The following FHIT variants were observed in gnomAD, a reference collection of about 807,000 sequenced individuals.
FHIT encodes bis(5'-adenosyl)-triphosphatase.
A neutral mutation model predicts 17.9 loss-of-function variants in FHIT; 19 were observed. The ratio of observed to expected loss-of-function variants is 1.06; its 90% confidence interval spans 0.74 to 1.56. The LOEUF is 1.56. Among genes scored for constraint, FHIT ranks in the 40% most tolerant of loss-of-function variants. FHIT has a pLI of 0.00. For missense variants in FHIT, 248 were observed against 189.2 expected (o/e 1.31, Z -1.82); for synonymous variants, 81 against 69.7 (o/e 1.16, Z -0.81).
intron 3 of FHIT, among the ~76,000 whole-genome samples, chr3:60,832,223 A>G (rs1702358198): frequency 6.6e-6 from 1 of 151,216 alleles, no homozygotes; most frequent in South Asian, 2.1e-4. Context: ...TAAGAATACA[A>G]TTAGATAAAA....
chr3:60,859,534 A>G (rs1703532461), intron 3 of FHIT, among the ~76,000 whole-genome samples: 1 of 151,616 alleles, frequency 6.6e-6, no homozygotes, highest in African/African-American at 2.4e-5. Flanking sequence ...AGTGATGTAC[A>G]CCCTTTCCTG....
intron 5 of FHIT, among the ~76,000 whole-genome samples, chr3:60,361,137 C>G (rs1699889890): frequency 6.6e-6 from 1 of 152,112 alleles, no homozygotes; most frequent in African/African-American, 2.4e-5. Flanking sequence ...CACCAAATAC[C>G]AAGTACTGGG....
chr3:60,072,767 T>G (rs1702835665), intron 5 of FHIT, among the ~76,000 whole-genome samples: 1 of 152,224 alleles, frequency 6.6e-6, no homozygotes, highest in East Asian at 1.9e-4. Context: ...TATTCTCTAT[T>G]GACAGTATCT....
At chr3:59,906,930 T>A (rs1195783075) in intron 8 of FHIT, among the ~76,000 whole-genome samples, 1 of 152,238 alleles carries the variant, frequency 6.6e-6, no homozygotes, top group African/African-American at 2.4e-5. Flanking sequence ...CCCTTTCTGC[T>A]ATGCTAATGT....
chr3:60,093,723 G>A (rs1229398596), intron 5 of FHIT, among the ~76,000 whole-genome samples: 1 of 152,168 alleles, frequency 6.6e-6, no homozygotes, highest in Non-Finnish European at 1.5e-5. Context: ...ACATGCGAAG[G>A]ATTTAGAATG....
intron 5 of FHIT, among the ~76,000 whole-genome samples, chr3:60,447,909 T>C (rs975094697): frequency 3.9e-5 from 6 of 152,190 alleles, no homozygotes; most frequent in Non-Finnish European, 7.4e-5. Context: ...TACCTCCAAC[T>C]GGGACTTCCA....
At chr3:60,944,054 A>G (rs1048093804) in intron 3 of FHIT, among the ~76,000 whole-genome samples, 4 of 152,004 alleles carry the variant, frequency 2.6e-5, no homozygotes, top group Non-Finnish European at 5.9e-5. Context: ...TTGACAATTG[A>G]ATTAGTATCT....
chr3:60,235,928 T>C (rs999506427), intron 5 of FHIT, among the ~76,000 whole-genome samples: 1 of 151,980 alleles, frequency 6.6e-6, no homozygotes, highest in African/African-American at 2.4e-5. Flanking sequence ...GTTCATAGGG[T>C]ATTGTTAGAC....
intron 5 of FHIT, among the ~76,000 whole-genome samples, chr3:60,227,783 C>T (rs17062527): frequency 6.6e-6 from 1 of 152,112 alleles, no homozygotes; most frequent in Non-Finnish European, 1.5e-5. Flanking sequence ...ATGAAAGTGA[C>T]TGATTCCCCA....
At chr3:60,181,959 G>A (rs1462087524) in intron 5 of FHIT, among the ~76,000 whole-genome samples, 1 of 152,068 alleles carries the variant, frequency 6.6e-6, no homozygotes, top group Non-Finnish European at 1.5e-5. Context: ...TCCGAAATAT[G>A]CAACAGCCTA....
chr3:60,717,742 C>G (rs556032977), intron 4 of FHIT, among the ~76,000 whole-genome samples: 114 of 152,264 alleles, frequency 7.5e-4, no homozygotes, highest in Middle Eastern at 3.4e-3. Context: ...ACACAAATTT[C>G]TTTGTGCCAT....
At chr3:60,507,088 C>G (rs1342737406) in intron 5 of FHIT, among the ~76,000 whole-genome samples, 3 of 152,010 alleles carry the variant, frequency 2.0e-5, no homozygotes, top group African/African-American at 7.3e-5. Context: ...CAAGTAAATG[C>G]TATCAAGGAA....
intron 5 of FHIT, among the ~76,000 whole-genome samples, chr3:60,148,788 T>C (rs1700343364): frequency 6.6e-6 from 1 of 152,190 alleles, no homozygotes; most frequent in Non-Finnish European, 1.5e-5. Flanking sequence ...GACACATTAT[T>C]TCAATATATT....
chr3:61,123,180 G>A (rs2036509546), intron 2 of FHIT, among the ~76,000 whole-genome samples: 2 of 152,122 alleles, frequency 1.3e-5, no homozygotes, highest in Admixed American at 6.6e-5. Context: ...CATAAAAAAG[G>A]ATGAGTTTAT....
intron 7 of FHIT, among the ~76,000 whole-genome samples, chr3:59,999,415 C>G (rs1699642675): frequency 6.6e-6 from 1 of 152,136 alleles, no homozygotes; most frequent in Non-Finnish European, 1.5e-5. Flanking sequence ...GCCATTGATT[C>G]ACAGACTTTC....
chr3:60,258,094 ACACACACC>A (rs1211788840), intron 5 of FHIT, among the ~76,000 whole-genome samples: 1 of 150,126 alleles, frequency 6.7e-6, no homozygotes, highest in African/African-American at 2.4e-5. Flanking sequence ...ACACACACAC[ACACACACC>A]TCTGCAGATT....
chr3:59,930,208 C>A (rs916738930), intron 7 of FHIT, among the ~76,000 whole-genome samples: 3 of 152,126 alleles, frequency 2.0e-5, no homozygotes, highest in Non-Finnish European at 4.4e-5. Flanking sequence ...TGCCTTCTCC[C>A]ACCTGGAGAG....
chr3:60,499,910 G>A (rs1445161206), intron 5 of FHIT, among the ~76,000 whole-genome samples: 1 of 152,054 alleles, frequency 6.6e-6, no homozygotes, highest in Non-Finnish European at 1.5e-5. Flanking sequence ...ATTCAGAATA[G>A]AAAATCATGT....
intron 3 of FHIT, among the ~76,000 whole-genome samples, chr3:60,877,233 G>C (rs1704707807): frequency 6.6e-6 from 1 of 152,196 alleles, no homozygotes. Context: ...AGGGTGAGCA[G>C]GCTTGACACC....
Sources: allele counts gnomAD v4.1 joint callset (sites outside exome capture counted in the v4.1 genomes callset), GRCh38; gene constraint gnomAD v4.1.1; transcripts MANE v1.5; gene names NCBI Gene and HGNC (gene_info 2026-07-23, HGNC 2026-07-21).